PPFIA4: variants seen among roughly 807,000 people sequenced by gnomAD.
PPFIA4 encodes PPFI scaffold protein A4, also known as liprin-alpha-4.
PPFIA4 carries 98 observed loss-of-function variants against 145.7 expected under a neutral mutation model. The observed-to-expected ratio is 0.67, with a 90% CI of 0.57 to 0.80. The LOEUF (loss-of-function observed/expected upper bound fraction) is 0.80, where lower values mean the gene tolerates loss of function less well. Ranked by LOEUF, PPFIA4 falls within the 30% of genes least tolerant of loss-of-function variation. The pLI is 0.00. For missense variants in PPFIA4, 1,457 were observed against 1,632.7 expected, an observed-to-expected ratio of 0.89 and a Z score of 1.85; for synonymous variants, 628 against 649.6, an observed-to-expected ratio of 0.97 and a Z score of 0.51.
intron 17 of PPFIA4, 34 bp downstream of exon 17, chr1:203,056,189 GTTCACTGCT>G (rs1233065567): frequency 1.2e-6 from 2 of 1,613,684 alleles, no homozygotes; most frequent in Non-Finnish European, 1.7e-6. Flanking sequence ...GTACTAACGG[GTTCACTGCT>G]CCCATGCCCT....
chr1:203,056,076 A>T lies in PPFIA4; in HGVS notation c.2071-44A>T, dbSNP rs747751952. 14 of 1,611,308 alleles carry T rather than the reference A, an allele frequency of 8.7e-6. No homozygotes were observed. The East Asian group carries it at 3.1e-4, about 36-fold the overall frequency. Reference sequence around the variant, plus strand: ...GCTCCCCTGGGGTTGGCTCTAGGGCACCCAGAGGGTGAGTCTGAGCTTACC... The same window carrying T: ...GCTCCCCTGGGGTTGGCTCTAGGGCTCCCAGAGGGTGAGTCTGAGCTTACC... On this transcript the variant is annotated intron_variant, in intron 16 of 29. Transcript: ENST00000295706.
Position 203,056,488 on chromosome 1 carries a change from G to T in PPFIA4, c.2220G>T (p.Leu740=), listed in dbSNP as rs770295899. The change falls in exon 18 of 30, where the codon CTG becomes CTT. Residue 740 remains leucine, a synonymous_variant. Coordinates refer to ENST00000295706, the MANE Select transcript of PPFIA4 (RefSeq NM_001304331.2). ...LRLEKLGHPA[L]SQEEGKSALE... is the part of the protein sequence containing the mutation. ...TAGAGAAGCTTGGCCACCCAGCCCTGAGCCAGGAAGAAGGCAAGAGGTAAG... is the reference window on the plus strand; with the variant it reads ...TAGAGAAGCTTGGCCACCCAGCCCTTAGCCAGGAAGAAGGCAAGAGGTAAG... 2 of 1,613,846 alleles carry T rather than the reference G, an allele frequency of 1.2e-6. No individual in the cohort carries two copies. The highest frequency in any genetic ancestry group is 8.5e-7 in the Non-Finnish European group (1 of 1,179,824).
At chr1:203,030,054 C>T (rs909106099) in intron 1 of PPFIA4, among the ~76,000 whole-genome samples, 9 of 152,182 alleles carry the variant, frequency 5.9e-5, no homozygotes, top group Non-Finnish European at 8.8e-5. Context: ...TTCATGGCCA[C>T]TGTCTTCAGA....
chr1:203,055,614 C>G lies in PPFIA4; in HGVS notation c.2012C>G (p.Pro671Arg), dbSNP rs1388985748. 6.2e-7 allele frequency: 1 copy of G among 1,613,936 alleles called. No homozygotes were observed. The highest frequency in any genetic ancestry group is 1.7e-5 in the Admixed American group (1 of 60,016). Residue 671 changes from proline (P) to arginine (R), a missense_variant, in exon 16 of 30, where the codon CCT becomes CGT. Physicochemically the swap from Pro to Arg is moderately radical, Grantham distance 103. Coordinates refer to ENST00000295706, the MANE Select transcript of PPFIA4 (RefSeq NM_001304331.2). This position sits in a 1 kb window ranked among gnomAD's most constrained non-coding sequence, Gnocchi z 4.8. ...ASPPLSGRSTPKLTSRSAAQD... is the reference protein window; with the variant it reads ...ASPPLSGRSTRKLTSRSAAQD... ...CCACCACTCAGCGGCCGCTCCACAC[C>G]TAAGCTCACCTCCCGCAGTGCTGCC...
chr1:203,053,914 G>C lies in PPFIA4; in HGVS notation c.1782G>C (p.Leu594=). The change falls in exon 15 of 30, where the codon CTG becomes CTC. Residue 594 remains leucine (L), a synonymous_variant. Transcript: ENST00000295706. ...GCGGCCACTCAGATGCCCAGACCCTGGCCATGATGCTGCAGGAGCAGCTGG... is the reference window on the plus strand; with the variant it reads ...GCGGCCACTCAGATGCCCAGACCCTCGCCATGATGCTGCAGGAGCAGCTGG... The part of the protein sequence containing the change: ...SPSGHSDAQT[L]AMMLQEQLDA... 1 of 1,567,848 alleles carries C rather than the reference G, an allele frequency of 6.4e-7. No individual in the cohort carries two copies. The highest frequency in any genetic ancestry group is 1.2e-5 in the South Asian group (1 of 85,096).
chr1:203,076,128 C>T, intron 29 of PPFIA4: 1 of 617,576 alleles, frequency 1.6e-6, no homozygotes, highest in South Asian at 2.0e-5. Flanking sequence ...GCCCTCGGCC[C>T]CACGCACCTG....
chr1:203,067,864 G>T, intron 26 of PPFIA4, 72 bp downstream of exon 26: 1 of 1,293,308 alleles, frequency 7.7e-7, no homozygotes, highest in Admixed American at 1.7e-5. Context: ...GCCAAGTGGA[G>T]GGGAGGCATT....
At chr1:203,031,783 T>C (rs1435819523) in intron 1 of PPFIA4, among the ~76,000 whole-genome samples, 2 of 152,222 alleles carry the variant, frequency 1.3e-5, no homozygotes, top group Non-Finnish European at 2.9e-5. Context: ...TCTGCAAACA[T>C]TATTTGAGGA....
In PPFIA4 at chr1:203,043,846, T is replaced by C; in HGVS notation, c.337-85T>C. 1 of 1,371,138 alleles carries C rather than the reference T, an allele frequency of 7.3e-7. No individual in the cohort carries two copies. The highest frequency in any genetic ancestry group is 1.4e-5 in the South Asian group (1 of 70,288). 84.9% of individuals were successfully genotyped at this position (1,371,138 alleles called of 1,614,324 possible). A position where few individuals can be genotyped will look rare whatever the true frequency, so the allele number is the denominator to read the frequency against. On this transcript the variant is annotated intron_variant, in intron 3 of 29. Transcript: ENST00000295706. The surrounding 1 kb of genome is among the most constrained non-coding windows in gnomAD (Gnocchi z 4.4). ...TGGGGTGGCTGTAACTCATGTCTGC[T>C]CGGGGATCACATGGACCCTGCTTGT...
rs761375177 is a variant in PPFIA4 at position 203,063,903 on chromosome 1, C to T, written c.2950C>T (p.Arg984Cys). 1.1e-5 allele frequency: 17 copies of T among 1,613,956 alleles called. No individual in the cohort carries two copies. Among genetic ancestry groups the T allele is most frequent in the African/African-American group, 2.7e-5 (2 of 74,946 alleles). The change falls in exon 25 of 30, where the codon CGC (arginine) becomes TGC (cysteine). Residue 984 changes from arginine to cysteine, a missense_variant. Arg to Cys is a radical substitution (Grantham distance 180). Around this residue, in one of 3 missense-constraint regions of PPFIA4, gnomAD observed 848 missense variants for 1,046.7 expected, o/e 0.81. Coordinates refer to ENST00000295706, the MANE Select transcript of PPFIA4 (RefSeq NM_001304331.2). Reference sequence around the variant, plus strand: ...ACCCAGCCTGGGGCTCCCGCAGTACCGCAGCTACTTCATGGAGTGCCTGGT... The same window carrying T: ...ACCCAGCCTGGGGCTCCCGCAGTACTGCAGCTACTTCATGGAGTGCCTGGT... ...WLPSLGLPQY[R>C]SYFMECLVDA...
rs1662620303 is a variant in PPFIA4, at chr1:203,077,444, C to A, written c.*1054C>A. The A allele has an allele frequency of 6.6e-6, 1 of 152,156 alleles. No homozygotes were observed. The highest frequency in any genetic ancestry group is 1.5e-5 in the Non-Finnish European group (1 of 68,026). The allele number at this position is 152,156 out of a possible 1,614,324, so 9.4% of individuals were successfully genotyped here. A position where few individuals can be genotyped will look rare whatever the true frequency, so the allele number is the denominator to read the frequency against. ...ATTGAATATACATTGAGCCCAAAGT[C>A]AAGTTTGGGGAAAAGGCAGACTAAG... On this transcript the variant is annotated 3_prime_UTR_variant, in exon 30 of 30. Transcript: ENST00000295706.
intron 1 of PPFIA4, among the ~76,000 whole-genome samples, chr1:203,029,971 A>G (rs1433624159): frequency 6.6e-6 from 1 of 152,210 alleles, no homozygotes; most frequent in African/African-American, 2.4e-5. Context: ...TTGATTTTAG[A>G]GGCCTTTATT....
rs1283249548 is a variant in PPFIA4, at chr1:203,075,809, C to T, written c.3574+52C>T. 2 of 1,343,716 alleles carry T rather than the reference C, an allele frequency of 1.5e-6. No individual in the cohort carries two copies. The highest frequency in any genetic ancestry group is 9.6e-7 in the Non-Finnish European group (1 of 1,042,676). The allele number at this position is 1,343,716 out of a possible 1,614,324, so 83.2% of individuals were successfully genotyped here. A position where few individuals can be genotyped will look rare whatever the true frequency, so the allele number is the denominator to read the frequency against. On this transcript the variant is annotated intron_variant, in intron 29 of 29. Coordinates refer to ENST00000295706, the MANE Select transcript of PPFIA4 (RefSeq NM_001304331.2). The surrounding 1 kb of genome is among the most constrained non-coding windows in gnomAD (Gnocchi z 4.1). ...CCGAGGCCCAGCCGAGCGCGGGCTT[C>T]TTCCTGGCACCCCAGGGCCGGGCCG... is the stretch of plus-strand genomic sequence containing the variant.
chr1:203,061,764 C>A, intron 24 of PPFIA4, 86 bp downstream of exon 24: 1 of 1,377,970 alleles, frequency 7.3e-7, no homozygotes, highest in South Asian at 1.4e-5. Context: ...GCAGGAATCT[C>A]TGAGTCCTTC....
At chr1:203,052,524 A>G (rs528236763) in intron 14 of PPFIA4, among the ~76,000 whole-genome samples, 1 of 152,284 alleles carries the variant, frequency 6.6e-6, no homozygotes, top group African/African-American at 2.4e-5. Context: ...TCCTAGTCTC[A>G]GGGGAAGATT....
intron 14 of PPFIA4, among the ~76,000 whole-genome samples, chr1:203,053,310 A>G (rs1172730733): frequency 6.6e-6 from 1 of 151,580 alleles, no homozygotes; most frequent in Non-Finnish European, 1.5e-5. Context: ...AGGTGGGTGG[A>G]TTGCTTGAGC....
chr1:203,059,319 C>T (rs911975119), intron 20 of PPFIA4, 48 bp downstream of exon 20: 1 of 1,407,370 alleles, frequency 7.1e-7, no homozygotes, highest in African/African-American at 1.4e-5. Context: ...CAGCCCCCTA[C>T]CCACTTCCCT....
chr1:203,072,308 T>C (rs1662227687), intron 28 of PPFIA4, among the ~76,000 whole-genome samples: 1 of 152,200 alleles, frequency 6.6e-6, no homozygotes, highest in Non-Finnish European at 1.5e-5. Context: ...CATCCCAGCT[T>C]TCTCTAGTTT....
chr1:203,071,070 C>A (rs900637563), intron 27 of PPFIA4, among the ~76,000 whole-genome samples: 8 of 151,506 alleles, frequency 5.3e-5, no homozygotes, highest in Non-Finnish European at 1.0e-4. Context: ...TCCTGCCCAA[C>A]TAACTGGTAG....
Sources: gnomAD v4.1 joint callset for allele counts (sites outside exome capture counted in the v4.1 genomes callset) on GRCh38, gnomAD v4.1.1 for gene constraint, gnomAD v4.1.1 regional missense constraint, Gnocchi (gnomAD v3.1) non-coding constraint, MANE v1.5 for transcripts, NCBI Gene and HGNC (gene_info 2026-07-23, HGNC 2026-07-21) for gene names.